CTBP2: variants seen among roughly 807,000 people sequenced by gnomAD.
CTBP2 encodes C-terminal binding protein 2, also known as C-terminal-binding protein 2.
In CTBP2, 30 loss-of-function variants were observed where a neutral mutation model predicts 80.3. That is an observed-to-expected ratio of 0.37 (90% CI 0.28 to 0.51). CTBP2 has a LOEUF of 0.51. CTBP2 is among the 20% of genes least tolerant of loss of function. The pLI, the probability that CTBP2 is intolerant of heterozygous loss-of-function variation, is 0.93. For synonymous variants in CTBP2, 594 were observed against 587.4 expected (o/e 1.01, Z -0.16); for missense variants, 1,212 against 1,375.3 (o/e 0.88, Z 1.88).
At position 124,994,029 on chromosome 10, in the gene CTBP2, T is replaced by C. The variant is rs931816935; in HGVS notation, c.2401-44A>G. The C allele has an allele frequency of 4.3e-6, 7 of 1,611,012 alleles. No homozygotes were observed. The Admixed American group carries it at 1.2e-4, about 27-fold the overall frequency. On this transcript the variant is annotated intron_variant, in intron 5 of 8. Transcript: ENST00000309035. ...GCCGGTTACAGGCACACTGGCATGG[T>C]GGAAGACTCTTGTACCAAGGTTTAA...
intron 2 of CTBP2, among the ~76,000 whole-genome samples, chr10:125,108,876 C>T (rs1052615168): frequency 1.3e-5 from 2 of 152,256 alleles, no homozygotes; most frequent in Non-Finnish European, 2.9e-5. Context: ...CTATAAAAAA[C>T]TCTTACCCAA....
chr10:125,030,313 G>A (rs1958045908), upstream of CTBP2, among the ~76,000 whole-genome samples: 1 of 152,186 alleles, frequency 6.6e-6, no homozygotes, highest in Admixed American at 6.5e-5. Flanking sequence ...ATTATGTCAA[G>A]TAAAAATAAG....
At position 125,026,098 on chromosome 10, in the gene CTBP2, C is replaced by A; in HGVS notation, c.1662G>T (p.Met554Ile). The A allele has an allele frequency of 6.4e-7, 1 of 1,571,358 alleles. No individual in the cohort carries two copies. The highest frequency in any genetic ancestry group is 2.3e-5 in the East Asian group (1 of 44,332). Residue 554 changes from methionine to isoleucine, a missense_variant, in exon 1 of 9, where the codon ATG becomes ATT. Met to Ile is a conservative substitution (Grantham distance 10, BLOSUM62 1). Transcript: ENST00000309035. Reference sequence around the variant, plus strand: ...ATGTATTACTTGGTTCTGGTGCAAGCATGGTGGACACGATGATGGGTGCCC... The same window carrying A: ...ATGTATTACTTGGTTCTGGTGCAAGAATGGTGGACACGATGATGGGTGCCC...
upstream of CTBP2, among the ~76,000 whole-genome samples, chr10:125,029,892 TGGTGTCCAAGG>T (rs1958006761): frequency 6.6e-6 from 1 of 152,194 alleles, no homozygotes; most frequent in African/African-American, 2.4e-5. Flanking sequence ...GTTACTGAGC[TGGTGTCCAAGG>T]GGTGATCGCA....
Position 125,094,152 on chromosome 10 carries a change from CG to C in CTBP2, c.-102+16837del, listed in dbSNP as rs1289725163. ...AGTTAAAGAAACAGAGGAAAGCAGGCGGTAAGTTACGCCTGGTGCTGATAAG... is the reference window on the plus strand; with the variant it reads ...AGTTAAAGAAACAGAGGAAAGCAGGCGTAAGTTACGCCTGGTGCTGATAAG... On this transcript the variant is annotated intron_variant, in intron 2 of 10. Transcript: ENST00000337195. 3.3e-5 allele frequency among the ~76,000 whole-genome samples: 5 copies of C among 152,252 alleles called. No individual in the cohort carries two copies. The East Asian group carries it at 7.7e-4, about 24-fold the overall frequency.
At chr10:125,065,469 G>A (rs1163842224) in intron 2 of CTBP2, among the ~76,000 whole-genome samples, 1 of 152,168 alleles carries the variant, frequency 6.6e-6, no homozygotes, top group Non-Finnish European at 1.5e-5. Flanking sequence ...GCCCGCAGGG[G>A]CTTTGGGGAA....
intron 3 of CTBP2, 119 bp downstream of exon 5, chr10:125,002,841 T>A: frequency 7.7e-7 from 1 of 1,303,704 alleles, no homozygotes; most frequent in Non-Finnish European, 1.1e-6. Flanking sequence ...GCAGCCACCT[T>A]GCTACAGCCA....
chr10:125,127,041 T>G (rs1273892674), intron 1 of CTBP2, among the ~76,000 whole-genome samples: 9 of 152,098 alleles, frequency 5.9e-5, no homozygotes, highest in Admixed American at 5.2e-4. Context: ...AGACATAACT[T>G]TGTCCTCAAG....
At chr10:125,132,140 A>G (rs1856286849) in intron 1 of CTBP2, among the ~76,000 whole-genome samples, 1 of 152,236 alleles carries the variant, frequency 6.6e-6, no homozygotes, top group African/African-American at 2.4e-5. Context: ...TTCTGGTAAC[A>G]AGTGGAATTT....
At chr10:125,113,042 T>C (rs979898786) in intron 1 of CTBP2, among the ~76,000 whole-genome samples, 5 of 152,212 alleles carry the variant, frequency 3.3e-5, no homozygotes, top group Non-Finnish European at 2.9e-5. Flanking sequence ...AGGAAAAGCA[T>C]GGACTCTACA....
intron 2 of CTBP2, among the ~76,000 whole-genome samples, chr10:125,065,644 G>A (rs537315398): frequency 2.8e-4 from 42 of 152,314 alleles, no homozygotes; most frequent in Admixed American, 1.0e-3. Context: ...TAAAGTTAGA[G>A]GAGGGACTCA....
Position 124,989,282 on chromosome 10 carries a change from A to G in CTBP2, c.*236T>C. 1 of 546,596 alleles carries G rather than the reference A, an allele frequency of 1.8e-6. No homozygotes were observed. The highest frequency in any genetic ancestry group is 3.3e-6 in the Non-Finnish European group (1 of 305,586). The allele number at this position is 546,596 out of a possible 1,614,324, so 33.9% of individuals were successfully genotyped here. A position where few individuals can be genotyped will look rare whatever the true frequency, so the allele number is the denominator to read the frequency against. ...ATTTGATGCACAGATGAAAAACTTA[A>G]CACACAATAACAGAAGTTGGTCGTT... On this transcript the variant is annotated 3_prime_UTR_variant, in exon 9 of 9. Transcript: ENST00000309035.
chr10:125,108,662 C>A (rs1438881670), intron 2 of CTBP2, among the ~76,000 whole-genome samples: 1 of 127,804 alleles, frequency 7.8e-6, no homozygotes, highest in Non-Finnish European at 1.6e-5. Flanking sequence ...AGAATTCCAC[C>A]ATGAGAGCAT....
In CTBP2 at chr10:125,026,480, C is replaced by T. The variant is rs952657915; in HGVS notation, c.1280G>A (p.Gly427Asp). ...GGAGGGGAAGTGTGGGGCATGGGTG[C>T]CCACGCCAGGGGCAGAATAGGTGGC... The change falls in exon 1 of 9, where the codon GGC (glycine) becomes GAC (aspartate). Residue 427 changes from glycine to aspartate, a missense_variant. By Grantham distance (94) the Gly-to-Asp change is moderately conservative (BLOSUM62 -1). This residue lies in a region of CTBP2 where 848 missense variants were observed against 782.3 expected (regional missense o/e 1.08). Transcript: ENST00000309035. 2 of 1,599,992 alleles carry T rather than the reference C, an allele frequency of 1.3e-6. No homozygotes were observed. Among genetic ancestry groups the T allele is most frequent in the East Asian group, 2.2e-5 (1 of 44,510 alleles).
At chr10:125,087,186 C>T (rs1215861580) in intron 2 of CTBP2, among the ~76,000 whole-genome samples, 4 of 151,812 alleles carry the variant, frequency 2.6e-5, no homozygotes, top group Admixed American at 6.6e-5. Context: ...GCGAGTCTCC[C>T]GCCTCAGCCT....
rs773341956 is a variant in CTBP2, at chr10:124,994,695, CAG to C, written c.2186-14_2186-13del. On this transcript the variant is annotated splice_polypyrimidine_tract_variant and intron_variant, in intron 4 of 8. Transcript: ENST00000309035. ...CTGCCCCGTGCGACCTGTACAGAAA[CAG>C]AGCGTCCAGGTGAGTGAGTCCACAG... 45 of 1,613,866 alleles carry C rather than the reference CAG, an allele frequency of 2.8e-5. No homozygotes were observed. Among genetic ancestry groups the C allele is most frequent in the Admixed American group, 5.0e-5 (3 of 60,000 alleles).
At chr10:125,018,553 C>A (rs111358701) in intron 1 of CTBP2, among the ~76,000 whole-genome samples, 1,711 of 99,560 alleles carry the variant, frequency 0.017, 37 homozygotes, top group African/African-American at 0.064. Context: ...CCAAACCAAC[C>A]AACAAACAAA....
intron 1 of CTBP2, among the ~76,000 whole-genome samples, chr10:125,142,149 G>A (rs1290795949): frequency 6.6e-6 from 1 of 152,154 alleles, no homozygotes; most frequent in African/African-American, 2.4e-5. Context: ...TGCCTACTTT[G>A]CGGAGGAGGT....
intron 2 of CTBP2, among the ~76,000 whole-genome samples, chr10:125,098,657 GGAGAGAGAGAGAGAGAGAGAGAGAGA>G (rs565818097): frequency 2.7e-4 from 12 of 44,964 alleles, no homozygotes; most frequent in African/African-American, 9.7e-4. Flanking sequence ...TGGGGGAGGG[GGAGAGAGAGAGAGAGAGAGAGAGAGA>G]GAGAGAGAGA....
Sources: allele counts gnomAD v4.1 joint callset (sites outside exome capture counted in the v4.1 genomes callset), GRCh38; gene constraint gnomAD v4.1.1; regional missense constraint gnomAD v4.1.1; transcripts MANE v1.5; gene names NCBI Gene and HGNC (gene_info 2026-07-23, HGNC 2026-07-21).